Variants in MCC observed in about 807,000 individuals in gnomAD.
The protein encoded by MCC is colorectal mutant cancer protein.
In MCC, 90 loss-of-function variants were observed where a neutral mutation model predicts 116.2. The observed-to-expected ratio is 0.77, with a 90% CI of 0.65 to 0.92. MCC has a LOEUF of 0.92. Among genes scored for constraint, MCC ranks in the 40% least tolerant of loss-of-function variants. The pLI, the probability that MCC is intolerant of heterozygous loss-of-function variation, is 0.00. For synonymous variants in MCC, 578 were observed against 510.5 expected (o/e 1.13, Z -1.78); for missense variants, 1,516 against 1,312.2 (o/e 1.16, Z -2.40).
At chr5:113,037,614 G>A (rs924250700) in intron 17 of MCC, among the ~76,000 whole-genome samples, 1 of 152,180 alleles carries the variant, frequency 6.6e-6, no homozygotes, top group African/African-American at 2.4e-5. Context: ...GACTGCTTGA[G>A]CCTGGGGAGG....
intron 3 of MCC, among the ~76,000 whole-genome samples, chr5:113,202,438 A>G (rs1313813937): frequency 1.3e-5 from 2 of 151,990 alleles, no homozygotes; most frequent in Admixed American, 6.6e-5. Context: ...ACTTTGAAAG[A>G]TTTTCTCCAG....
At chr5:113,124,657 T>C (rs1757939882) in intron 5 of MCC, among the ~76,000 whole-genome samples, 1 of 152,188 alleles carries the variant, frequency 6.6e-6, no homozygotes, top group Non-Finnish European at 1.5e-5. Flanking sequence ...TGGGAAAGTA[T>C]GGGAAAGGGA....
chr5:113,207,596 C>T lies in MCC; in HGVS notation c.628-56174G>A, dbSNP rs539323501. Among the ~76,000 whole-genome samples the T allele has an allele frequency of 5.3e-5, 8 of 152,302 alleles. No homozygotes were observed. In the South Asian group the frequency reaches 8.3e-4, roughly 16 times the overall value. On this transcript the variant is annotated intron_variant, in intron 3 of 18. Coordinates refer to ENST00000408903, the MANE Select transcript of MCC (RefSeq NM_001085377.2). ...TCTGTCCATCCACGTAGTTATCCAACGCCTACAGTGAGCCCAGCACTTTAC... is the reference window on the plus strand; with the variant it reads ...TCTGTCCATCCACGTAGTTATCCAATGCCTACAGTGAGCCCAGCACTTTAC...
At chr5:113,121,338 G>A (rs1757724770) in intron 6 of MCC, among the ~76,000 whole-genome samples, 1 of 152,052 alleles carries the variant, frequency 6.6e-6, no homozygotes, top group African/African-American at 2.4e-5. Context: ...TGGATCTTTG[G>A]GTAAAGGCCA....
At chr5:113,104,155 A>G in intron 7 of MCC, 37 bp downstream of exon 7, 1 of 1,544,222 alleles carries the variant, frequency 6.5e-7, no homozygotes, top group South Asian at 1.2e-5. Flanking sequence ...CCCTTTCAGA[A>G]CCTCAAAGGG....
chr5:113,320,652 G>A (rs1053259989), intron 3 of MCC, among the ~76,000 whole-genome samples: 1 of 152,158 alleles, frequency 6.6e-6, no homozygotes, highest in Non-Finnish European at 1.5e-5. Context: ...TTAATTATTA[G>A]CAGAGTTCCT....
Position 113,071,212 on chromosome 5 carries a change from G to T in MCC, c.1807C>A (p.Gln603Lys). 6.2e-7 allele frequency: 1 copy of T among 1,613,970 alleles called. No individual in the cohort carries two copies. Among genetic ancestry groups the T allele is most frequent in the Non-Finnish European group, 8.5e-7 (1 of 1,179,964 alleles). Residue 603 changes from glutamine to lysine, a missense_variant, in exon 12 of 19, where the codon CAA becomes AAA. Gln to Lys is a moderately conservative substitution (Grantham distance 53). Coordinates refer to ENST00000408903, the MANE Select transcript of MCC (RefSeq NM_001085377.2). ...LNSRIEHLKS[Q>K]NDLLTITLEE... is the part of the protein sequence containing the mutation. ...AAGGTTATGGTCAGGAGGTCATTTT[G>T]GGATTTGAGGTGCTCAATCCGGCTA... is the stretch of plus-strand genomic sequence containing the variant.
chr5:113,433,160 C>T (rs1770714925), intron 1 of MCC: 3 of 171,966 alleles, frequency 1.7e-5, no homozygotes, highest in Non-Finnish European at 3.7e-5. Flanking sequence ...GGATCTTGCC[C>T]AGAGCTGGAG....
intron 2 of MCC, among the ~76,000 whole-genome samples, chr5:113,343,014 A>C (rs2150379578): frequency 6.6e-6 from 1 of 152,314 alleles, no homozygotes; most frequent in East Asian, 1.9e-4. Flanking sequence ...AAAAAAAAGG[A>C]CACAAAATGA....
chr5:113,200,541 C>A lies in MCC; in HGVS notation c.628-49119G>T, dbSNP rs116259241. 2.9e-3 allele frequency among the ~76,000 whole-genome samples: 441 copies of A among 152,326 alleles called. 1 individual carries two copies. The highest frequency in any genetic ancestry group is 0.01 in the African/African-American group (422 of 41,562). The stretch of plus-strand genomic sequence containing the variant: ...GACTATCTGGTTCAACTTAAAAAAA[C>A]ATTCTCCCATATTGAACTTCCCTGT... On this transcript the variant is annotated intron_variant, in intron 3 of 18. Transcript: ENST00000408903.
rs541683489 is a variant in MCC, at chr5:113,068,258, C to T, written c.1926-75G>A. Reference sequence around the variant, plus strand: ...CTTCAATGTGGCGCCGGTTTCTGTGCAGGAGGCAGCTCAGGTGCTGTCTCG... The same window carrying T: ...CTTCAATGTGGCGCCGGTTTCTGTGTAGGAGGCAGCTCAGGTGCTGTCTCG... On this transcript the variant is annotated intron_variant, in intron 12 of 18. Transcript: ENST00000408903. The T allele has an allele frequency of 6.2e-5, 69 of 1,113,416 alleles. 1 individual carries two copies. In the African/African-American group the frequency reaches 9.5e-4, roughly 15 times the overall value. The allele number at this position is 1,113,416 out of a possible 1,614,324, so 69.0% of individuals were successfully genotyped here. A position where few individuals can be genotyped will look rare whatever the true frequency, so the allele number is the denominator to read the frequency against.
chr5:113,108,331 T>TAAAAAAAAAAAAAAA (rs56780207), intron 6 of MCC, among the ~76,000 whole-genome samples: 3 of 42,726 alleles, frequency 7.0e-5, no homozygotes, highest in African/African-American at 2.3e-4. Flanking sequence ...CACTCTATCT[T>TAAAAAAAAAAAAAAA]AAAAAAAAAA....
chr5:113,435,763 C>T (rs1318667493), intron 1 of MCC: 1 of 152,450 alleles, frequency 6.6e-6, no homozygotes, highest in Non-Finnish European at 1.5e-5. Context: ...CTGCTCTTGG[C>T]TGTGAGCTCC....
chr5:113,080,281 G>C (rs1474448095), intron 11 of MCC, among the ~76,000 whole-genome samples: 1 of 152,186 alleles, frequency 6.6e-6, no homozygotes, highest in Non-Finnish European at 1.5e-5. Flanking sequence ...AATACCATTT[G>C]ACCCAGCCAT....
chr5:113,336,115 T>TGG (rs1204527177), intron 3 of MCC, among the ~76,000 whole-genome samples: 3 of 149,644 alleles, frequency 2.0e-5, no homozygotes, highest in Non-Finnish European at 4.4e-5. Flanking sequence ...AGACAGGGAG[T>TGG]GGGAGAGAGA....
At position 113,333,844 on chromosome 5, in the gene MCC, T is replaced by C. The variant is rs866866771; in HGVS notation, c.627+6675A>G. Among the ~76,000 whole-genome samples, 362 of 51,692 alleles carry C rather than the reference T, an allele frequency of 7.0e-3. 5 individuals carry two copies. Among genetic ancestry groups the C allele is most frequent in the Non-Finnish European group, 0.012 (249 of 20,420 alleles). 33.9% of individuals were successfully genotyped at this position (51,692 alleles called of 152,430 possible). On this transcript the variant is annotated intron_variant, in intron 3 of 18. Transcript: ENST00000408903. ...ACATATATGTATATATGTATATATG[T>C]ATATATGTACATATATGTATATATG...
At chr5:113,187,741 T>G in intron 3 of MCC, among the ~76,000 whole-genome samples, 1 of 117,730 alleles carries the variant, frequency 8.5e-6, no homozygotes, top group African/African-American at 3.3e-5. Flanking sequence ...GGCGACTGAG[T>G]GAGACTCCAA....
chr5:113,283,683 GT>G (rs1375381857), intron 3 of MCC, among the ~76,000 whole-genome samples: 1 of 152,138 alleles, frequency 6.6e-6, no homozygotes, highest in African/African-American at 2.4e-5. Context: ...AAGGCGTATT[GT>G]CCCTGCTAGG....
At chr5:113,402,563 T>C (rs1046537671) in intron 1 of MCC, among the ~76,000 whole-genome samples, 38 of 152,304 alleles carry the variant, frequency 2.5e-4, no homozygotes, top group African/African-American at 8.2e-4. Context: ...TTTTAGAAAA[T>C]GGCATTAACG....
Sources: gnomAD v4.1 joint callset for allele counts (sites outside exome capture counted in the v4.1 genomes callset) on GRCh38, gnomAD v4.1.1 for gene constraint, MANE v1.5 for transcripts, NCBI Gene and HGNC (gene_info 2026-07-23, HGNC 2026-07-21) for gene names.